The following SNX9 variants were observed in gnomAD, a reference collection of about 807,000 sequenced individuals.
The protein encoded by SNX9 is sorting nexin 9.
Under a neutral mutation model 89.4 loss-of-function variants are expected in SNX9, and 44 were observed. The observed-to-expected ratio is 0.49, with a 90% CI of 0.39 to 0.63. The LOEUF (loss-of-function observed/expected upper bound fraction) is 0.63. SNX9 is among the 30% of genes least tolerant of loss of function. The pLI, the probability that SNX9 is intolerant of heterozygous loss-of-function variation, is 0.00. For synonymous variants in SNX9, 236 were observed against 247.8 expected (o/e 0.95, Z 0.45); for missense variants, 578 against 736.1 (o/e 0.79, Z 2.49).
chr6:157,875,331 C>G, intron 4 of SNX9, 155 bp downstream of exon 4: 2 of 1,013,234 alleles, frequency 2.0e-6, no homozygotes, highest in Non-Finnish European at 2.7e-6. Context: ...TGGGTACTAA[C>G]AAAGAAATCA....
intron 1 of SNX9, among the ~76,000 whole-genome samples, chr6:157,832,238 A>T (rs1781491288): frequency 6.6e-6 from 1 of 152,230 alleles, no homozygotes; most frequent in Non-Finnish European, 1.5e-5. Flanking sequence ...TCATTAAGTC[A>T]GACACTTAAC....
chr6:157,834,150 GTTT>G (rs561509955), intron 1 of SNX9, among the ~76,000 whole-genome samples: 2 of 35,614 alleles, frequency 5.6e-5, no homozygotes, highest in East Asian at 1.1e-3. Context: ...GTCCACTGTG[GTTT>G]TTTTTTTTTT....
At chr6:157,863,536 A>T (rs1436297693) in intron 1 of SNX9, among the ~76,000 whole-genome samples, 4 of 152,244 alleles carry the variant, frequency 2.6e-5, no homozygotes, top group Admixed American at 2.6e-4. Context: ...ACTGACCAGG[A>T]CTAGGTGGAA....
intron 4 of SNX9, among the ~76,000 whole-genome samples, chr6:157,880,397 G>C (rs181828342): frequency 6.6e-6 from 1 of 151,764 alleles, no homozygotes; most frequent in African/African-American, 2.4e-5. Context: ...CTCTCTAATC[G>C]TGTAGATTCC....
chr6:157,838,510 G>T (rs777972665), intron 1 of SNX9, among the ~76,000 whole-genome samples: 1 of 152,156 alleles, frequency 6.6e-6, no homozygotes, highest in African/African-American at 2.4e-5. Flanking sequence ...AGTATTTGGA[G>T]TCAGAAATGA....
intron 4 of SNX9, among the ~76,000 whole-genome samples, chr6:157,885,692 T>G (rs781762713): frequency 6.6e-6 from 1 of 151,714 alleles, no homozygotes; most frequent in Non-Finnish European, 1.5e-5. Flanking sequence ...CAGTGAGGAG[T>G]TCCTTATGTG....
At chr6:157,869,627 T>C (rs1052906437) in intron 2 of SNX9, among the ~76,000 whole-genome samples, 1 of 152,200 alleles carries the variant, frequency 6.6e-6, no homozygotes, top group Non-Finnish European at 1.5e-5. Context: ...GCCTGGACCA[T>C]GCACCTTCCT....
intron 4 of SNX9, among the ~76,000 whole-genome samples, chr6:157,881,787 A>G (rs2115148297): frequency 1.3e-5 from 2 of 152,316 alleles, no homozygotes; most frequent in Middle Eastern, 3.4e-3. Flanking sequence ...GAAGGCTGAG[A>G]GAGGTGAGGA....
At chr6:157,891,001 C>T (rs17573740) in intron 4 of SNX9, among the ~76,000 whole-genome samples, 6,382 of 148,956 alleles carry the variant, frequency 0.043, 187 homozygotes, top group Middle Eastern at 0.1. Context: ...CATAGTGTCA[C>T]ATGCTAAAAA....
intron 1 of SNX9, among the ~76,000 whole-genome samples, chr6:157,840,057 T>TGG (rs749992890): frequency 9.2e-5 from 14 of 151,556 alleles, no homozygotes; most frequent in Admixed American, 4.6e-4. Context: ...TGAGGGAAGG[T>TGG]GGGGGTGTCT....
At chr6:157,842,283 A>C (rs1307764054) in intron 1 of SNX9, among the ~76,000 whole-genome samples, 1 of 152,210 alleles carries the variant, frequency 6.6e-6, no homozygotes, top group African/African-American at 2.4e-5. Context: ...TTAATGTAAA[A>C]CAGATTTGCC....
rs1421411783 is a variant in SNX9 at position 157,921,558 on chromosome 6, T to C, written c.977T>C (p.Met326Thr). The C allele has an allele frequency of 6.2e-7, 1 of 1,613,796 alleles. No individual in the cohort carries two copies. The highest frequency in any genetic ancestry group is 8.5e-7 in the Non-Finnish European group (1 of 1,179,770). Reference protein sequence around the residue: ...TGRFEEEFIKMRMERLQAWMT... With the variant: ...TGRFEEEFIKTRMERLQAWMT... ...CGCTTTGAAGAGGAATTTATCAAAA[T>C]GCGCATGGAGAGACTTCAGGCCTGG... The change falls in exon 10 of 18, where the codon ATG becomes ACG. Residue 326 changes from methionine to threonine, a missense_variant. Met to Thr is a moderately conservative substitution (Grantham distance 81, BLOSUM62 -1). Coordinates refer to ENST00000392185, the MANE Select transcript of SNX9 (RefSeq NM_016224.5).
intron 1 of SNX9, among the ~76,000 whole-genome samples, chr6:157,847,533 A>G (rs571212210): frequency 6.6e-6 from 1 of 152,194 alleles, no homozygotes; most frequent in South Asian, 2.1e-4. Context: ...TGAAAAATAT[A>G]TATTTTTAAA....
At chr6:157,892,863 A>G (rs1303848247) in intron 4 of SNX9, 2 of 151,962 alleles carry the variant, frequency 1.3e-5, no homozygotes, top group East Asian at 1.9e-4. Context: ...AATCCAGACC[A>G]CTCACTTCTG....
chr6:157,852,463 C>T (rs192876492), intron 1 of SNX9, among the ~76,000 whole-genome samples: 1 of 152,282 alleles, frequency 6.6e-6, no homozygotes, highest in East Asian at 1.9e-4. Context: ...TCACTCTCAG[C>T]TTCACAATAA....
chr6:157,918,520 A>G lies in SNX9; in HGVS notation c.950-3011A>G, dbSNP rs118023033. On this transcript the variant is annotated intron_variant, in intron 9 of 17. Coordinates refer to ENST00000392185, the MANE Select transcript of SNX9 (RefSeq NM_016224.5). ...AAATCAAGCTGTTTCTCTTATAGGC[A>G]AGATAGTTGGATCTTACTTTTTTAT... Among the ~76,000 whole-genome samples the G allele has an allele frequency of 2.9e-3, 447 of 152,314 alleles. 2 individuals carry two copies. The highest frequency in any genetic ancestry group is 5.3e-3 in the Non-Finnish European group (363 of 68,000).
Position 157,823,592 on chromosome 6 carries a change from G to A in SNX9, c.12+146G>A, listed in dbSNP as rs1264720059. 5 of 634,324 alleles carry A rather than the reference G, an allele frequency of 7.9e-6. No individual in the cohort carries two copies. Among genetic ancestry groups the A allele is most frequent in the Non-Finnish European group, 1.1e-5 (5 of 474,550 alleles). 39.3% of individuals were successfully genotyped at this position (634,324 alleles called of 1,614,324 possible). A position where few individuals can be genotyped will look rare whatever the true frequency, so the allele number is the denominator to read the frequency against. On this transcript the variant is annotated intron_variant, in intron 1 of 17. Coordinates refer to ENST00000392185, the MANE Select transcript of SNX9 (RefSeq NM_016224.5). The surrounding 1 kb of genome is among the most constrained non-coding windows in gnomAD (Gnocchi z 4.6). ...CTCGGTGGAGTCCCCGGGCGGGTCC[G>A]CGGCCCAGCCAGTCCCTTCTGGGCA... is the stretch of plus-strand genomic sequence containing the variant.
intron 10 of SNX9, 89 bp from the exon 11 acceptor site, chr6:157,927,022 G>A: frequency 1.1e-6 from 1 of 925,414 alleles, no homozygotes; most frequent in Non-Finnish European, 1.7e-6. Flanking sequence ...GAAAGATAAA[G>A]GTGATAAATG....
chr6:157,909,859 T>C, intron 8 of SNX9, 49 bp from the exon 9 acceptor site: 1 of 1,611,504 alleles, frequency 6.2e-7, no homozygotes. Context: ...TTTTTCTTCA[T>C]TTTCTAGAGT....
Sources: allele counts gnomAD v4.1 joint callset (sites outside exome capture counted in the v4.1 genomes callset), GRCh38; gene constraint gnomAD v4.1.1; non-coding constraint Gnocchi (gnomAD v3.1); transcripts MANE v1.5; gene names NCBI Gene and HGNC (gene_info 2026-07-23, HGNC 2026-07-21).